The following SLC5A8 variants were observed in gnomAD, a reference collection of about 807,000 sequenced individuals.
The protein encoded by SLC5A8 is solute carrier family 5 member 8, also known as sodium-coupled monocarboxylate transporter 1.
A neutral mutation model predicts 71.9 loss-of-function variants in SLC5A8; 55 were observed. The ratio of observed to expected loss-of-function variants is 0.77; its 90% confidence interval spans 0.62 to 0.96. The LOEUF is 0.96. SLC5A8 is among the 40% of genes least tolerant of loss of function. The pLI is 0.00. For synonymous variants in SLC5A8, 307 were observed against 276.1 expected (o/e 1.11, Z -1.11); for missense variants, 701 against 745.3 (o/e 0.94, Z 0.69).
intron 5 of SLC5A8, among the ~76,000 whole-genome samples, chr12:101,192,395 C>T (rs1338819770): frequency 2.1e-5 from 2 of 94,020 alleles, no homozygotes; most frequent in African/African-American, 8.9e-5. Flanking sequence ...AAAAGAGCCA[C>T]CAAGTGCAAA....
At chr12:101,194,120 C>T (rs911802821) in intron 4 of SLC5A8, among the ~76,000 whole-genome samples, 3 of 152,030 alleles carry the variant, frequency 2.0e-5, no homozygotes, top group East Asian at 1.9e-4. Context: ...AAGAAAAATC[C>T]GAGTCAAATT....
At chr12:101,178,483 A>G (rs1389768688) in intron 10 of SLC5A8, among the ~76,000 whole-genome samples, 3 of 152,214 alleles carry the variant, frequency 2.0e-5, no homozygotes, top group Non-Finnish European at 2.9e-5. Flanking sequence ...TAAATAAATG[A>G]AAGAAAACAG....
At chr12:101,187,774 AG>A (rs1379788416) in intron 6 of SLC5A8, among the ~76,000 whole-genome samples, 2 of 151,914 alleles carry the variant, frequency 1.3e-5, no homozygotes, top group East Asian at 3.9e-4. Context: ...TCGGAGCTCC[AG>A]GGGCATTGTT....
At chr12:101,157,530 T>C (rs1566302568) in intron 14 of SLC5A8, 129 bp from the exon 15 acceptor site, 4 of 1,142,322 alleles carry the variant, frequency 3.5e-6, no homozygotes, top group East Asian at 5.2e-5. Flanking sequence ...GGGAGAGAAA[T>C]ATATAACAGG....
At chr12:101,181,171 A>C (rs2137143341) in intron 9 of SLC5A8, among the ~76,000 whole-genome samples, 1 of 152,232 alleles carries the variant, frequency 6.6e-6, no homozygotes, top group Admixed American at 6.5e-5. Context: ...CCTTTGTTAA[A>C]CGTATTGAGT....
At position 101,209,709 on chromosome 12, in the gene SLC5A8, A is replaced by T. The variant is rs775045872; in HGVS notation, c.140T>A (p.Met47Lys). The stretch of plus-strand genomic sequence containing the variant: ...CACTGCGGTCATTCTGCGGCCGCCC[A>T]TCAGGAAGTCCTTGGAGGTCTGCTG... ...GGQQTSKDFL[M>K]GGRRMTAVPV... is the part of the protein sequence containing the mutation. Residue 47 changes from methionine to lysine, a missense_variant, in exon 1 of 15, where the codon ATG becomes AAG. Physicochemically the swap from Met to Lys is moderately conservative, Grantham distance 95. Coordinates refer to ENST00000536262, the MANE Select transcript of SLC5A8 (RefSeq NM_145913.5). 1 of 1,613,360 alleles carries T rather than the reference A, an allele frequency of 6.2e-7. No individual in the cohort carries two copies.
At chr12:101,190,733 A>T (rs1593377736) in intron 5 of SLC5A8, 125 bp from the exon 6 acceptor site, 4 of 637,986 alleles carry the variant, frequency 6.3e-6, no homozygotes, top group Non-Finnish European at 9.2e-6. Context: ...AATATGTAAA[A>T]ATTTATTAAT....
At chr12:101,201,688 A>G (rs1869459944) in intron 3 of SLC5A8, among the ~76,000 whole-genome samples, 1 of 152,216 alleles carries the variant, frequency 6.6e-6, no homozygotes, top group Non-Finnish European at 1.5e-5. Context: ...CACTAGGAGC[A>G]GTCTGATCAT....
At position 101,209,643 on chromosome 12, in the gene SLC5A8, A is replaced by G. The variant is rs1869833240; in HGVS notation, c.206T>C (p.Val69Ala). 6.2e-7 allele frequency: 1 copy of G among 1,614,028 alleles called. No homozygotes were observed. Among genetic ancestry groups the G allele is most frequent in the Non-Finnish European group, 8.5e-7 (1 of 1,180,032 alleles). ...LSLTASFMSA[V>A]TVLGTPSEVY... ...CTCGGAGGGGGTGCCCAGGACAGTG[A>G]CGGCTGACATGAAGCTAGCGGTGAG... is the stretch of plus-strand genomic sequence containing the variant. The change falls in exon 1 of 15, where the codon GTC becomes GCC. Residue 69 changes from valine (V) to alanine (A), a missense_variant. Coordinates refer to ENST00000536262, the MANE Select transcript of SLC5A8 (RefSeq NM_145913.5).
At chr12:101,205,132 A>G (rs955156697) in intron 1 of SLC5A8, among the ~76,000 whole-genome samples, 1 of 152,130 alleles carries the variant, frequency 6.6e-6, no homozygotes, top group African/African-American at 2.4e-5. Flanking sequence ...TCAGCCAATC[A>G]GCTTTTCCTT....
chr12:101,183,035 CT>C (rs34182928), intron 8 of SLC5A8, 120 bp from the exon 9 acceptor site: 1,759 of 74,412 alleles, frequency 0.024, no homozygotes, highest in Middle Eastern at 0.095. Context: ...TTCTACTATG[CT>C]TTTTTTTTTT....
chr12:101,202,109 T>C (rs1258397770), intron 3 of SLC5A8, 55 bp downstream of exon 3: 1 of 1,530,834 alleles, frequency 6.5e-7, no homozygotes, highest in African/African-American at 1.4e-5. Flanking sequence ...AAATAAGGCT[T>C]GTTGAAAGTG....
rs1202610537 is a variant in SLC5A8 at position 101,155,559 on chromosome 12, T to G, written c.*1720A>C. On this transcript the variant is annotated 3_prime_UTR_variant, in exon 15 of 15. Coordinates refer to ENST00000536262, the MANE Select transcript of SLC5A8 (RefSeq NM_145913.5). Reference sequence around the variant, plus strand: ...TGGAGTGCAGTGGTGTAATCATAGCTCAATGCAGCCTTGAAATCCTGGGCT... The same window carrying G: ...TGGAGTGCAGTGGTGTAATCATAGCGCAATGCAGCCTTGAAATCCTGGGCT... 1 of 142,458 alleles carries G rather than the reference T, an allele frequency of 7.0e-6. No homozygotes were observed. Among genetic ancestry groups the G allele is most frequent in the Non-Finnish European group, 1.5e-5 (1 of 66,512 alleles). 8.8% of individuals were successfully genotyped at this position (142,458 alleles called of 1,614,324 possible).
intron 3 of SLC5A8, among the ~76,000 whole-genome samples, chr12:101,195,646 G>A (rs1281879736): frequency 2.7e-5 from 4 of 150,656 alleles, no homozygotes; most frequent in Non-Finnish European, 4.4e-5. Flanking sequence ...TTATAACATT[G>A]CAGATTGCGG....
intron 6 of SLC5A8, 125 bp downstream of exon 6, chr12:101,190,343 A>G (rs1868839891): frequency 1.9e-6 from 2 of 1,053,826 alleles, no homozygotes; most frequent in East Asian, 5.4e-5. Flanking sequence ...AACCAAATAT[A>G]TCATTTATCT....
chr12:101,194,991 G>C, intron 4 of SLC5A8, 104 bp downstream of exon 4: 1 of 1,053,448 alleles, frequency 9.5e-7, no homozygotes, highest in African/African-American at 1.6e-5. Context: ...TTGGGAATAG[G>C]AGAGTAAGTG....
chr12:101,167,280 A>G (rs557824624), intron 11 of SLC5A8, among the ~76,000 whole-genome samples: 7 of 152,246 alleles, frequency 4.6e-5, no homozygotes, highest in South Asian at 4.1e-4. Flanking sequence ...TTTTCATATG[A>G]CATTTCATTG....
At position 101,182,156 on chromosome 12, in the gene SLC5A8, A is replaced by G. The variant is rs190219719; in HGVS notation, c.1165+647T>C. 2.6e-4 allele frequency among the ~76,000 whole-genome samples: 39 copies of G among 152,318 alleles called. No individual in the cohort carries two copies. In the East Asian group the frequency reaches 4.6e-3, roughly 18 times the overall value. On this transcript the variant is annotated intron_variant, in intron 9 of 14. Transcript: ENST00000536262. Reference sequence around the variant, plus strand: ...ACCCCTAATGAGGCTCTACGATTGAACAGAACAGAAGTTGAGAATTTCTTG... The same window carrying G: ...ACCCCTAATGAGGCTCTACGATTGAGCAGAACAGAAGTTGAGAATTTCTTG...
intron 1 of SLC5A8, 22 bp downstream of exon 1, chr12:101,209,476 C>A: frequency 1.7e-4 from 162 of 927,446 alleles, no homozygotes; most frequent in Middle Eastern, 2.4e-4. Context: ...CCTGCATGGT[C>A]CCAGCCCACC....
Sources: allele counts gnomAD v4.1 joint callset (sites outside exome capture counted in the v4.1 genomes callset), GRCh38; gene constraint gnomAD v4.1.1; transcripts MANE v1.5; gene names NCBI Gene and HGNC (gene_info 2026-07-23, HGNC 2026-07-21).